The following EPB41L1 variants were observed in gnomAD, a reference collection of about 807,000 sequenced individuals.
The protein encoded by EPB41L1 is erythrocyte membrane protein band 4.1 like 1.
In EPB41L1, 29 loss-of-function variants were observed where a neutral mutation model predicts 97.8. That is an observed-to-expected ratio of 0.30 (90% CI 0.22 to 0.40). The LOEUF is 0.40. Among genes scored for constraint, EPB41L1 ranks in the 10% least tolerant of loss-of-function variants. The pLI is 1.00. For synonymous variants in EPB41L1, 383 were observed against 459.2 expected (o/e 0.83, Z 2.12); for missense variants, 812 against 1,162.3 (o/e 0.70, Z 4.38).
chr20:36,094,489 G>C (rs569328997), intron 1 of EPB41L1, among the ~76,000 whole-genome samples: 62 of 152,290 alleles, frequency 4.1e-4, no homozygotes, highest in African/African-American at 1.5e-3. Flanking sequence ...TGTTCAGAGA[G>C]AAGGATATCC....
At chr20:36,091,438 C>T (rs1233004034), upstream of EPB41L1, 12 of 152,326 alleles carry the variant, frequency 7.9e-5, no homozygotes, top group Admixed American at 7.9e-4. Context: ...TTCTTATGTT[C>T]TCAGCTGCTC....
At chr20:36,225,000 T>C (rs926458619) in intron 21 of EPB41L1, among the ~76,000 whole-genome samples, 16 of 152,202 alleles carry the variant, frequency 1.1e-4, no homozygotes, top group Non-Finnish European at 1.5e-4. Flanking sequence ...TTTTGTATTT[T>C]TAGTAGAGAC....
At chr20:36,141,057 C>T (rs1275488610) in intron 2 of EPB41L1, among the ~76,000 whole-genome samples, 1 of 152,204 alleles carries the variant, frequency 6.6e-6, no homozygotes, top group Non-Finnish European at 1.5e-5. Context: ...GGAGAAGGCG[C>T]TGGGGGCAGG....
rs1281590690 is a variant in EPB41L1 at position 36,207,700 on chromosome 20, C to T, written c.1669-1788C>T. 2 of 1,289,960 alleles carry T rather than the reference C, an allele frequency of 1.6e-6. No homozygotes were observed. Among genetic ancestry groups the T allele is most frequent in the Admixed American group, 4.6e-5 (2 of 43,550 alleles). The allele number at this position is 1,289,960 out of a possible 1,614,324, so 79.9% of individuals were successfully genotyped here. On this transcript the variant is annotated intron_variant, in intron 14 of 21. Coordinates refer to ENST00000338074, the MANE Select transcript of EPB41L1 (RefSeq NM_012156.2). This position sits in a 1 kb window ranked among gnomAD's most constrained non-coding sequence, Gnocchi z 4.9. Reference sequence around the variant, plus strand: ...CAGGGAGGACACTTCTGCATCCTACCAGGAAGCACACACGGAACTAGAGCC... The same window carrying T: ...CAGGGAGGACACTTCTGCATCCTACTAGGAAGCACACACGGAACTAGAGCC...
At chr20:36,100,242 GC>G (rs2147491393) in intron 1 of EPB41L1, among the ~76,000 whole-genome samples, 1 of 152,292 alleles carries the variant, frequency 6.6e-6, no homozygotes, top group South Asian at 2.1e-4. Context: ...GGGAAGCCAG[GC>G]CCCTCCTTGG....
intron 1 of EPB41L1, among the ~76,000 whole-genome samples, chr20:36,158,321 G>A (rs900964242): frequency 6.6e-6 from 1 of 152,190 alleles, no homozygotes; most frequent in Non-Finnish European, 1.5e-5. Flanking sequence ...ATGCAGACAT[G>A]ACACACTAAA....
At chr20:36,202,970 C>G (rs1278729757) in intron 14 of EPB41L1, among the ~76,000 whole-genome samples, 1 of 152,202 alleles carries the variant, frequency 6.6e-6, no homozygotes. Context: ...TTTCTCCCCA[C>G]CCCTGTTGCC....
At chr20:36,219,689 C>A in intron 18 of EPB41L1, 72 bp from the exon 19 acceptor site, 1 of 1,330,634 alleles carries the variant, frequency 7.5e-7, no homozygotes, top group Non-Finnish European at 1.1e-6. Flanking sequence ...CTTTACCCCA[C>A]CCCGCCCTCA....
intron 1 of EPB41L1, among the ~76,000 whole-genome samples, chr20:36,095,548 T>C (rs571949693): frequency 6.6e-6 from 1 of 152,354 alleles, no homozygotes; most frequent in African/African-American, 2.4e-5. Flanking sequence ...GGGCTAGATT[T>C]TGGGACTTTG....
chr20:36,102,481 G>C (rs2058052269), intron 1 of EPB41L1, among the ~76,000 whole-genome samples: 2 of 152,210 alleles, frequency 1.3e-5, no homozygotes, highest in South Asian at 4.1e-4. Context: ...GCTTTGCTGT[G>C]AAGGTGGTCA....
At chr20:36,114,650 A>T (rs916565284) in intron 2 of EPB41L1, among the ~76,000 whole-genome samples, 1 of 152,232 alleles carries the variant, frequency 6.6e-6, no homozygotes, top group Non-Finnish European at 1.5e-5. Context: ...GGACTGAAGA[A>T]TGAAGAATCA....
intron 5 of EPB41L1, among the ~76,000 whole-genome samples, chr20:36,180,019 C>G (rs1254226415): frequency 6.6e-6 from 1 of 152,202 alleles, no homozygotes; most frequent in Non-Finnish European, 1.5e-5. Flanking sequence ...TTGGGAAAGA[C>G]AGGTGGCTGG....
intron 11 of EPB41L1, among the ~76,000 whole-genome samples, chr20:36,192,457 G>T (rs1600854534): frequency 2.0e-5 from 3 of 150,046 alleles, no homozygotes; most frequent in East Asian, 4.0e-4. Context: ...TTGAACCCGG[G>T]AGATGAAGGT....
chr20:36,184,308 G>C (rs1410252669), intron 6 of EPB41L1, among the ~76,000 whole-genome samples: 1 of 152,008 alleles, frequency 6.6e-6, no homozygotes, highest in East Asian at 1.9e-4. Context: ...GGACAGGGAG[G>C]CATCGTTGGC....
At chr20:36,154,350 C>T (rs996538699), upstream of EPB41L1, among the ~76,000 whole-genome samples, 6 of 152,120 alleles carry the variant, frequency 3.9e-5, no homozygotes, top group African/African-American at 1.4e-4. The surrounding 1 kb of genome is among the most constrained non-coding windows in gnomAD (Gnocchi z 5.5). Context: ...CCCAAGAGGG[C>T]TTGGCGAGAG....
chr20:36,172,451 T>C (rs941411970), intron 1 of EPB41L1, among the ~76,000 whole-genome samples: 6 of 152,278 alleles, frequency 3.9e-5, no homozygotes, highest in Non-Finnish European at 7.3e-5. Context: ...TTCTCTCTTA[T>C]GTCACCCAGT....
At chr20:36,219,663 T>G in intron 18 of EPB41L1, 98 bp from the exon 19 acceptor site, 1 of 993,028 alleles carries the variant, frequency 1.0e-6, no homozygotes, top group Non-Finnish European at 1.6e-6. Flanking sequence ...CTTCGAAACG[T>G]CACCTTCACA....
intron 2 of EPB41L1, among the ~76,000 whole-genome samples, chr20:36,113,434 G>A (rs958071796): frequency 5.4e-5 from 7 of 129,404 alleles, no homozygotes; most frequent in Admixed American, 5.2e-4. Flanking sequence ...GTGTGTGTGT[G>A]TGTGTGTGTG....
At chr20:36,162,209 C>T (rs905189984) in intron 1 of EPB41L1, among the ~76,000 whole-genome samples, 3 of 152,216 alleles carry the variant, frequency 2.0e-5, no homozygotes, top group Non-Finnish European at 2.9e-5. Context: ...ACTGCTGTTT[C>T]CTGCCCACTC....
Sources: allele counts gnomAD v4.1 joint callset (sites outside exome capture counted in the v4.1 genomes callset), GRCh38; gene constraint gnomAD v4.1.1; non-coding constraint Gnocchi (gnomAD v3.1); transcripts MANE v1.5; gene names NCBI Gene and HGNC (gene_info 2026-07-23, HGNC 2026-07-21).